Variants in PPIL4 observed in about 807,000 individuals in gnomAD.
The protein encoded by PPIL4 is peptidyl-prolyl cis-trans isomerase-like 4.
In PPIL4, 50 loss-of-function variants were observed where a neutral mutation model predicts 69.1. That is an observed-to-expected ratio of 0.72 (90% CI 0.58 to 0.92). The LOEUF (loss-of-function observed/expected upper bound fraction) is 0.92, where lower values mean the gene tolerates loss of function less well. PPIL4 is among the 40% of genes least tolerant of loss of function. The pLI is 0.00. For missense variants in PPIL4, 480 were observed against 587.9 expected (o/e 0.82, Z 1.90); for synonymous variants, 193 against 191.6 (o/e 1.01, Z -0.06).
chr6:149,545,602 T>C (rs1463917662), intron 1 of PPIL4, among the ~76,000 whole-genome samples: 3 of 151,918 alleles, frequency 2.0e-5, no homozygotes, highest in Admixed American at 6.6e-5. Flanking sequence ...GTAAACACAA[T>C]AAAGGCACAA....
chr6:149,542,013 C>CAAAATAAAATAAAAT (rs529079776), intron 1 of PPIL4, among the ~76,000 whole-genome samples: 5 of 150,966 alleles, frequency 3.3e-5, no homozygotes, highest in African/African-American at 1.2e-4. Context: ...GACTCTATCT[C>CAAAATAAAATAAAAT]AAAATAAAAT....
rs1332848743 is a variant in PPIL4, at chr6:149,533,561, CCTATTCGACCACT to C, written c.562_574del (p.Ser188GlufsTer17). On this transcript the variant is annotated frameshift_variant and splice_region_variant, in exon 7 of 13. Transcript: ENST00000253329. LOFTEE classifies it high-confidence loss of function. ...GAAATCATCAATTTCTTCATCTGCT[CCTATTCGACCACT>C]CTGTTAAGACAGAAGTTACTCATGT... is the stretch of plus-strand genomic sequence containing the variant. The C allele has an allele frequency of 3.7e-6, 6 of 1,600,770 alleles. No individual in the cohort carries two copies. Among genetic ancestry groups the C allele is most frequent in the Non-Finnish European group, 4.3e-6 (5 of 1,168,740 alleles).
chr6:149,528,230 C>G (rs1394941156), intron 7 of PPIL4, among the ~76,000 whole-genome samples: 1 of 151,992 alleles, frequency 6.6e-6, no homozygotes, highest in Non-Finnish European at 1.5e-5. Context: ...GCCTAGAAAA[C>G]AGAGTAAGAC....
chr6:149,514,738 A>T (rs1037247935), intron 11 of PPIL4, among the ~76,000 whole-genome samples: 5 of 146,822 alleles, frequency 3.4e-5, no homozygotes, highest in Middle Eastern at 3.4e-3. Context: ...GCCTAAAAAA[A>T]TTTTATTTTA....
At chr6:149,530,152 T>A (rs1777173918) in intron 7 of PPIL4, among the ~76,000 whole-genome samples, 1 of 152,180 alleles carries the variant, frequency 6.6e-6, no homozygotes, top group African/African-American at 2.4e-5. Flanking sequence ...GGATTTTAAT[T>A]AATAATGTAT....
chr6:149,509,301 A>G (rs190766472), intron 12 of PPIL4, among the ~76,000 whole-genome samples: 69 of 152,338 alleles, frequency 4.5e-4, no homozygotes, highest in Non-Finnish European at 8.8e-4. Flanking sequence ...TAAGGTTTCA[A>G]GTAATCAAAC....
At chr6:149,511,498 C>A (rs1204646881) in intron 12 of PPIL4, among the ~76,000 whole-genome samples, 2 of 152,038 alleles carry the variant, frequency 1.3e-5, no homozygotes, top group African/African-American at 4.8e-5. Flanking sequence ...TGGTCTCCAA[C>A]TCTTAAGCTC....
At position 149,543,980 on chromosome 6, in the gene PPIL4, T is replaced by A. The variant is rs28661265; in HGVS notation, c.70+1956A>T. 7.2e-5 allele frequency among the ~76,000 whole-genome samples: 11 copies of A among 152,296 alleles called. No homozygotes were observed. The East Asian group carries it at 2.1e-3, about 29-fold the overall frequency. On this transcript the variant is annotated intron_variant, in intron 1 of 12. Transcript: ENST00000253329. ...TGTTGATCATAGATTGATAAGTGAG[T>A]ATAAATATAGCAGGTACACATGTAA...
intron 12 of PPIL4, among the ~76,000 whole-genome samples, chr6:149,510,178 A>G (rs1000939108): frequency 2.6e-5 from 4 of 152,256 alleles, no homozygotes; most frequent in African/African-American, 9.6e-5. Flanking sequence ...CTAAAGGGCT[A>G]TAGAAAGAAG....
In PPIL4 at chr6:149,505,579, G is replaced by C; in HGVS notation, c.1353C>G (p.Gly451=). Residue 451 remains glycine, a synonymous_variant, in exon 13 of 13, where the codon GGC becomes GGG. Transcript: ENST00000253329. ...RSRSRSRERD[G]HYSNSHKSKY... is the part of the protein sequence containing the mutation. ...TTGATTTATGACTATTACTATAATG[G>C]CCATCCCTCTCTCGAGATCGGCTAC... 6.2e-7 allele frequency: 1 copy of C among 1,613,792 alleles called. No homozygotes were observed. Among genetic ancestry groups the C allele is most frequent in the Non-Finnish European group, 8.5e-7 (1 of 1,179,938 alleles).
chr6:149,523,849 C>A (rs562376604), intron 9 of PPIL4, among the ~76,000 whole-genome samples: 2 of 152,270 alleles, frequency 1.3e-5, no homozygotes, highest in African/African-American at 2.4e-5. Context: ...TAGTGCAGGT[C>A]TACAAGTTTT....
chr6:149,543,793 G>A (rs1251111583), intron 1 of PPIL4, among the ~76,000 whole-genome samples: 2 of 152,110 alleles, frequency 1.3e-5, no homozygotes, highest in Admixed American at 1.3e-4. Flanking sequence ...TATTATAAAT[G>A]AAGCAAGATT....
At chr6:149,529,729 C>CTCTA (rs1466201182) in intron 7 of PPIL4, among the ~76,000 whole-genome samples, 48 of 139,910 alleles carry the variant, frequency 3.4e-4, no homozygotes, top group African/African-American at 1.3e-3. Context: ...TGCCACTGTA[C>CTCTA]TCTAGCCTGA....
At chr6:149,534,874 G>T (rs1362072584) in intron 5 of PPIL4, 100 bp from the exon 6 acceptor site, 1 of 669,770 alleles carries the variant, frequency 1.5e-6, no homozygotes, top group Admixed American at 3.3e-5. Flanking sequence ...TATCTCTAAG[G>T]CCAAAAAAAA....
intron 7 of PPIL4, among the ~76,000 whole-genome samples, chr6:149,533,200 A>T (rs1157401286): frequency 6.6e-6 from 1 of 152,226 alleles, no homozygotes; most frequent in Non-Finnish European, 1.5e-5. Context: ...GATGAATATT[A>T]AACAACTGAA....
chr6:149,540,157 CA>C (rs1777338783), intron 4 of PPIL4, among the ~76,000 whole-genome samples: 1 of 151,904 alleles, frequency 6.6e-6, no homozygotes, highest in Non-Finnish European at 1.5e-5. Flanking sequence ...TAAAATAAAA[CA>C]AAATACTTAG....
chr6:149,514,758 T>C (rs927578562), intron 11 of PPIL4, among the ~76,000 whole-genome samples: 1 of 80,024 alleles, frequency 1.2e-5, no homozygotes, highest in Non-Finnish European at 2.5e-5. Context: ...ATTAATCTTT[T>C]GGTTCAAGTG....
intron 4 of PPIL4, among the ~76,000 whole-genome samples, chr6:149,539,504 A>C (rs893066637): frequency 1.3e-5 from 2 of 152,272 alleles, no homozygotes; most frequent in Admixed American, 6.5e-5. Flanking sequence ...CAGCTTCCCA[A>C]GAAGCAGGAA....
At chr6:149,538,019 G>A (rs1777302733) in intron 4 of PPIL4, among the ~76,000 whole-genome samples, 1 of 152,148 alleles carries the variant, frequency 6.6e-6, no homozygotes, top group Non-Finnish European at 1.5e-5. Flanking sequence ...AGCACTTTGG[G>A]AGGCTGAGGC....
Sources: allele counts gnomAD v4.1 joint callset (sites outside exome capture counted in the v4.1 genomes callset), GRCh38; gene constraint gnomAD v4.1.1; transcripts MANE v1.5; gene names NCBI Gene and HGNC (gene_info 2026-07-23, HGNC 2026-07-21).